Variants in MYH10 observed in about 807,000 individuals in gnomAD.
MYH10 encodes myosin-10.
In MYH10, 55 loss-of-function variants were observed where a neutral mutation model predicts 257.8. That is an observed-to-expected ratio of 0.21 (90% confidence interval 0.17 to 0.27). The LOEUF (loss-of-function observed/expected upper bound fraction) is 0.27, where lower values mean the gene tolerates loss of function less well. Ranked by LOEUF, MYH10 falls within the 10% of genes least tolerant of loss-of-function variation. The pLI is 1.00. For missense variants in MYH10, 1,631 were observed against 2,500.6 expected, an observed-to-expected ratio of 0.65 and a Z score of 7.42; for synonymous variants, 854 against 921.7, an observed-to-expected ratio of 0.93 and a Z score of 1.33.
chr17:8,548,052 C>T (rs150335395), intron 11 of MYH10, among the ~76,000 whole-genome samples: 16 of 152,096 alleles, frequency 1.1e-4, no homozygotes, highest in Non-Finnish European at 1.5e-4. Flanking sequence ...TGACCTCCTG[C>T]GGCTGAGTTC....
chr17:8,568,604 G>T (rs2083237458), intron 7 of MYH10, among the ~76,000 whole-genome samples: 1 of 152,086 alleles, frequency 6.6e-6, no homozygotes, highest in Middle Eastern at 3.2e-3. Context: ...AAAAAGGGAA[G>T]AATTAATTTG....
At chr17:8,570,986 A>G (rs2083314233) in intron 6 of MYH10, among the ~76,000 whole-genome samples, 1 of 152,096 alleles carries the variant, frequency 6.6e-6, no homozygotes. Flanking sequence ...CATAGGTCTT[A>G]ACTACAATCT....
intron 40 of MYH10, among the ~76,000 whole-genome samples, chr17:8,478,785 C>T (rs1913147900): frequency 6.6e-6 from 1 of 152,192 alleles, no homozygotes; most frequent in Admixed American, 6.5e-5. Context: ...GGCTGGGGTG[C>T]AGTGGCGCCA....
At chr17:8,568,148 C>G (rs2083222325) in intron 7 of MYH10, among the ~76,000 whole-genome samples, 1 of 152,132 alleles carries the variant, frequency 6.6e-6, no homozygotes, top group African/African-American at 2.4e-5. Context: ...TTCCTCCCAC[C>G]AACTCTCGTC....
intron 7 of MYH10, among the ~76,000 whole-genome samples, chr17:8,559,099 T>C (rs1312620653): frequency 6.6e-6 from 1 of 152,184 alleles, no homozygotes; most frequent in Non-Finnish European, 1.5e-5. Context: ...CTTAGAAATA[T>C]ATATAATTCT....
chr17:8,522,088 C>T (rs1380669186), intron 17 of MYH10, among the ~76,000 whole-genome samples: 1 of 152,188 alleles, frequency 6.6e-6, no homozygotes, highest in Non-Finnish European at 1.5e-5. Context: ...ACATTTGGTG[C>T]ATAATGTACA....
chr17:8,590,734 T>TAG (rs2084096539), intron 3 of MYH10, among the ~76,000 whole-genome samples: 1 of 152,116 alleles, frequency 6.6e-6, no homozygotes, highest in Non-Finnish European at 1.5e-5. Flanking sequence ...GAGATCACAC[T>TAG]ATATCCTTTC....
chr17:8,508,633 C>T lies in MYH10; in HGVS notation c.3135G>A (p.Gln1045=), dbSNP rs746318988. ...MEDRIAECSS[Q]LAEEEEKAKN... Reference sequence around the variant, plus strand: ...TCGCCTTTTCTTCCTCTTCAGCCAGCTGAGAGGAACACTCAGCAATGCGAT... The same window carrying T: ...TCGCCTTTTCTTCCTCTTCAGCCAGTTGAGAGGAACACTCAGCAATGCGAT... Residue 1045 remains glutamine (Q), a synonymous_variant, in exon 26 of 43, where the codon CAG becomes CAA. Coordinates refer to ENST00000360416, the MANE Select transcript of MYH10 (RefSeq NM_001256012.3). 15 of 1,613,958 alleles carry T rather than the reference C, an allele frequency of 9.3e-6. No individual in the cohort carries two copies. Among genetic ancestry groups the T allele is most frequent in the Middle Eastern group, 1.6e-4 (1 of 6,084 alleles).
chr17:8,475,686 GAC>G lies in MYH10; in HGVS notation c.*116_*117del. The G allele has an allele frequency of 1.6e-6, 2 of 1,250,694 alleles. No homozygotes were observed. Among genetic ancestry groups the G allele is most frequent in the Non-Finnish European group, 2.3e-6 (2 of 888,682 alleles). The allele number at this position is 1,250,694 out of a possible 1,614,324, so 77.5% of individuals were successfully genotyped here. On this transcript the variant is annotated 3_prime_UTR_variant, in exon 43 of 43. Transcript: ENST00000360416. ...GTATGCATAGGCTGGAGAGCCTTAA[GAC>G]ACAGTTGATCTTTCAGGAAGGAATC...
At position 8,562,294 on chromosome 17, in the gene MYH10, G is replaced by A. The variant is rs181569257; in HGVS notation, c.756+7426C>T. ...TAAGATGCAGGCCATGGGACCTGAC[G>A]TCACTTGAGTGTTGGCCACTTGGCC... On this transcript the variant is annotated intron_variant, in intron 7 of 42. Coordinates refer to ENST00000360416, the MANE Select transcript of MYH10 (RefSeq NM_001256012.3). Among the ~76,000 whole-genome samples the A allele has an allele frequency of 2.4e-4, 36 of 152,342 alleles. No individual in the cohort carries two copies. In the East Asian group the frequency reaches 5.8e-3, roughly 24 times the overall value.
Position 8,506,421 on chromosome 17 carries a change from T to C in MYH10, c.3283A>G (p.Thr1095Ala). ...EKAKRKLDGE[T>A]TDLQDQIAEL... ...GCGATCTGGTCCTGCAGGTCGGTCG[T>C]CTCCCCGTCGAGTTTTCTTTTGGCC... is the stretch of plus-strand genomic sequence containing the variant. The change falls in exon 27 of 43, where the codon ACG (threonine) becomes GCG (alanine). Residue 1095 changes from threonine (T) to alanine (A), a missense_variant. This residue lies in a region of MYH10 where 169 missense variants were observed against 249.8 expected (regional missense o/e 0.68). Coordinates refer to ENST00000360416, the MANE Select transcript of MYH10 (RefSeq NM_001256012.3). This position sits in a 1 kb window ranked among gnomAD's most constrained non-coding sequence, Gnocchi z 5.0. 6.2e-7 allele frequency: 1 copy of C among 1,612,962 alleles called. No individual in the cohort carries two copies. Among genetic ancestry groups the C allele is most frequent in the East Asian group, 2.2e-5 (1 of 44,852 alleles).
chr17:8,624,113 A>G (rs1348237198), intron 1 of MYH10, among the ~76,000 whole-genome samples: 1 of 152,200 alleles, frequency 6.6e-6, no homozygotes, highest in Non-Finnish European at 1.5e-5. Flanking sequence ...ACCATCAACT[A>G]TCTTAGCCAC....
At chr17:8,502,111 A>G (rs1311037167) in intron 28 of MYH10, among the ~76,000 whole-genome samples, 1 of 152,218 alleles carries the variant, frequency 6.6e-6, no homozygotes, top group Non-Finnish European at 1.5e-5. Context: ...ATACTTTATA[A>G]CATGTCACAA....
At chr17:8,529,942 A>C (rs1390268946) in intron 17 of MYH10, among the ~76,000 whole-genome samples, 3 of 152,218 alleles carry the variant, frequency 2.0e-5, no homozygotes, top group African/African-American at 7.2e-5. Context: ...TCAGATCACA[A>C]AGCCCAAACA....
At chr17:8,495,346 G>C (rs1813132068) in intron 30 of MYH10, 105 bp from the exon 31 acceptor site, 1 of 705,590 alleles carries the variant, frequency 1.4e-6, no homozygotes, top group African/African-American at 1.8e-5. Flanking sequence ...GCGGGAGTGT[G>C]AACCTGAAAC....
intron 40 of MYH10, 84 bp downstream of exon 40, chr17:8,480,026 G>GCCC: frequency 7.5e-7 from 1 of 1,341,326 alleles, no homozygotes. Flanking sequence ...GTGGTGGGGA[G>GCCC]CCCCCCCGAA....
intron 38 of MYH10, 45 bp from the exon 39 acceptor site, chr17:8,480,570 CA>C (rs1489083760): frequency 6.3e-7 from 1 of 1,598,818 alleles, no homozygotes; most frequent in East Asian, 2.2e-5. Flanking sequence ...CAGCTCAGCA[CA>C]GCACAGGAGC....
Position 8,550,010 on chromosome 17 carries a change from A to G in MYH10, c.920-1223T>C, listed in dbSNP as rs1324162858. Among the ~76,000 whole-genome samples the G allele has an allele frequency of 9.8e-4, 148 of 150,890 alleles. 1 individual carries two copies. Among genetic ancestry groups the G allele is most frequent in the African/African-American group, 3.4e-3 (141 of 41,156 alleles). On this transcript the variant is annotated intron_variant, in intron 9 of 42. Coordinates refer to ENST00000360416, the MANE Select transcript of MYH10 (RefSeq NM_001256012.3). ...CAGTGCTCAATGGTGCCCAGGCTGGAGTGCAGTGGCGTGATCTCGGCTCGC... is the reference window on the plus strand; with the variant it reads ...CAGTGCTCAATGGTGCCCAGGCTGGGGTGCAGTGGCGTGATCTCGGCTCGC...
At chr17:8,544,287 C>T (rs1289172218) in intron 13 of MYH10, among the ~76,000 whole-genome samples, 9 of 151,902 alleles carry the variant, frequency 5.9e-5, no homozygotes, top group African/African-American at 2.2e-4. Context: ...TTGTTCAAGT[C>T]TTCTTTTCTT....
Sources: allele counts gnomAD v4.1 joint callset (sites outside exome capture counted in the v4.1 genomes callset), GRCh38; gene constraint gnomAD v4.1.1; regional missense constraint gnomAD v4.1.1; non-coding constraint Gnocchi (gnomAD v3.1); transcripts MANE v1.5; gene names NCBI Gene and HGNC (gene_info 2026-07-23, HGNC 2026-07-21).